Variants in PRKDC observed in about 807,000 individuals in gnomAD.
The protein encoded by PRKDC is DNA-dependent protein kinase catalytic subunit.
Under a neutral mutation model 486.9 loss-of-function variants are expected in PRKDC, and 82 were observed. The observed-to-expected ratio is 0.17, with a 90% CI of 0.14 to 0.20. The LOEUF (loss-of-function observed/expected upper bound fraction) is 0.20, where lower values mean the gene tolerates loss of function less well. Ranked by LOEUF, PRKDC falls within the 10% of genes least tolerant of loss-of-function variation. The pLI is 1.00. For missense variants in PRKDC, 4,504 were observed against 5,038.2 expected (o/e 0.89, Z 3.21); for synonymous variants, 1,895 against 1,837.0 (o/e 1.03, Z -0.81).
chr8:47,881,841 T>C, intron 37 of PRKDC, 71 bp downstream of exon 37: 2 of 1,332,954 alleles, frequency 1.5e-6, no homozygotes, highest in South Asian at 1.8e-5. Flanking sequence ...GCAACCTCCA[T>C]CAAATTTTAA....
intron 83 of PRKDC, 86 bp downstream of exon 83, chr8:47,778,373 T>A: frequency 1.4e-6 from 2 of 1,411,008 alleles, no homozygotes; most frequent in East Asian, 5.0e-5. Context: ...TTGTTTTTCC[T>A]TAAAAACTGT....
Position 47,837,106 on chromosome 8 carries a change from G to A in PRKDC, c.7761+106C>T, listed in dbSNP as rs577308973. On this transcript the variant is annotated intron_variant, in intron 57 of 85. Transcript: ENST00000314191. ...AGCCTTCCCTTTCCTTTTCAGAAAG[G>A]AATGTGTATTCTGAGAAGGCAAAGA... 1.5e-5 allele frequency: 18 copies of A among 1,214,350 alleles called. No individual in the cohort carries two copies. The African/African-American group carries it at 2.6e-4, about 18-fold the overall frequency. The allele number at this position is 1,214,350 out of a possible 1,614,324, so 75.2% of individuals were successfully genotyped here. A position where few individuals can be genotyped will look rare whatever the true frequency, so the allele number is the denominator to read the frequency against.
At chr8:47,957,461 G>C (rs1001403737) in intron 1 of PRKDC, 30 bp from the exon 2 acceptor site, 2 of 1,529,602 alleles carry the variant, frequency 1.3e-6, no homozygotes, top group Non-Finnish European at 1.8e-6. Context: ...AACAAGTTAA[G>C]AGAGTGCCAA....
At chr8:47,884,825 C>T (rs972180580) in intron 36 of PRKDC, among the ~76,000 whole-genome samples, 2 of 152,086 alleles carry the variant, frequency 1.3e-5, no homozygotes, top group African/African-American at 4.8e-5. Flanking sequence ...GTTTAGCAAA[C>T]GAAAGTCAAC....
At position 47,904,903 on chromosome 8, in the gene PRKDC, C is replaced by A; in HGVS notation, c.3008G>T (p.Ser1003Ile). 3 of 1,613,448 alleles carry A rather than the reference C, an allele frequency of 1.9e-6. No homozygotes were observed. The highest frequency in any genetic ancestry group is 2.5e-6 in the Non-Finnish European group (3 of 1,179,472). Reference protein sequence around the residue: ...HWFTNNKKFESQDTVALLEAI... With the variant: ...HWFTNNKKFEIQDTVALLEAI... ...TTCTAGTAAGGCAACAGTATCCTGACTTTCAAATTTCTTGTTGTTAGTGAA... is the reference window on the plus strand; with the variant it reads ...TTCTAGTAAGGCAACAGTATCCTGAATTTCAAATTTCTTGTTGTTAGTGAA... Residue 1003 changes from serine to isoleucine, a missense_variant, in exon 26 of 86, where the codon AGT becomes ATT. Physicochemically the swap from Ser to Ile is moderately radical, Grantham distance 142. Around this residue, in one of 6 missense-constraint regions of PRKDC, gnomAD observed 1,969 missense variants for 2,068.9 expected, o/e 0.95. Transcript: ENST00000314191.
chr8:47,925,847 A>G (rs1467486452), intron 21 of PRKDC, among the ~76,000 whole-genome samples: 1 of 152,252 alleles, frequency 6.6e-6, no homozygotes, highest in East Asian at 1.9e-4. Flanking sequence ...GAATCTAGAT[A>G]GAACACATGG....
At chr8:47,775,694 C>G (rs1219591712) in intron 85 of PRKDC, among the ~76,000 whole-genome samples, 1 of 152,056 alleles carries the variant, frequency 6.6e-6, no homozygotes, top group Admixed American at 6.6e-5. Context: ...CTCTGTGAAG[C>G]ACAAAATTGT....
intron 40 of PRKDC, among the ~76,000 whole-genome samples, chr8:47,876,702 C>A (rs2154501252): frequency 6.6e-6 from 1 of 152,128 alleles, no homozygotes; most frequent in East Asian, 1.9e-4. Context: ...TCCTATCCTT[C>A]CCACTGTATT....
chr8:47,858,357 A>G (rs996069174), intron 48 of PRKDC, among the ~76,000 whole-genome samples, 159 bp downstream of exon 48: 17 of 152,226 alleles, frequency 1.1e-4, no homozygotes, highest in African/African-American at 4.1e-4. Context: ...TTGGGTGGCT[A>G]ATCAGAGAAC....
chr8:47,838,644 C>T (rs1475588119), intron 56 of PRKDC, among the ~76,000 whole-genome samples: 1 of 152,100 alleles, frequency 6.6e-6, no homozygotes, highest in Non-Finnish European at 1.5e-5. Flanking sequence ...AAGTTTACCC[C>T]TCTTCTTATA....
At chr8:47,959,867 C>T in intron 1 of PRKDC, 106 bp downstream of exon 1, 1 of 1,464,392 alleles carries the variant, frequency 6.8e-7, no homozygotes, top group Non-Finnish European at 9.0e-7. Flanking sequence ...AATTGCTGTA[C>T]TTCAAAATAC....
intron 10 of PRKDC, among the ~76,000 whole-genome samples, chr8:47,940,560 G>A (rs1386322829): frequency 6.6e-6 from 1 of 152,154 alleles, no homozygotes; most frequent in Non-Finnish European, 1.5e-5. Flanking sequence ...ATGAAACATT[G>A]TATATACTGT....
chr8:47,827,118 T>TCA (rs61385951), intron 62 of PRKDC, among the ~76,000 whole-genome samples: 11,438 of 128,078 alleles, frequency 0.089, 560 homozygotes, highest in Non-Finnish European at 0.12. Flanking sequence ...AATATGAAGA[T>TCA]CACACACACA....
At chr8:47,826,326 A>G (rs1014978106) in intron 63 of PRKDC, among the ~76,000 whole-genome samples, 3 of 152,236 alleles carry the variant, frequency 2.0e-5, no homozygotes, top group African/African-American at 7.2e-5. Flanking sequence ...TGAAGCAGGA[A>G]ATAACATAAA....
At chr8:47,892,898 T>C (rs1434333832) in intron 31 of PRKDC, among the ~76,000 whole-genome samples, 1 of 152,216 alleles carries the variant, frequency 6.6e-6, no homozygotes, top group East Asian at 1.9e-4. Context: ...ATTTAAAATG[T>C]CAACATTTAC....
At position 47,941,129 on chromosome 8, in the gene PRKDC, C is replaced by CA. The variant is rs758700972; in HGVS notation, c.967-1433dup. Among the ~76,000 whole-genome samples, 375 of 67,170 alleles carry CA rather than the reference C, an allele frequency of 5.6e-3. 1 individual carries two copies. Among genetic ancestry groups the CA allele is most frequent in the Non-Finnish European group, 5.9e-3 (199 of 33,526 alleles). The allele number at this position is 67,170 out of a possible 152,430, so 44.1% of individuals were successfully genotyped here. On this transcript the variant is annotated intron_variant, in intron 10 of 85. Coordinates refer to ENST00000314191, the MANE Select transcript of PRKDC (RefSeq NM_006904.7). ...TGGGTGACAGAGCAAAACTCCATCT[C>CA]AAAAAAAAAAAAAAACCAAAAAAAC...
intron 66 of PRKDC, among the ~76,000 whole-genome samples, chr8:47,820,318 T>C (rs948873663): frequency 6.6e-6 from 1 of 152,130 alleles, no homozygotes. Flanking sequence ...GGAGAATCAC[T>C]TGAACCAGAT....
rs1414844661 is a variant in PRKDC at position 47,846,331 on chromosome 8, G to A, written c.7280+2823C>T. 4.0e-5 allele frequency among the ~76,000 whole-genome samples: 6 copies of A among 150,804 alleles called. No individual in the cohort carries two copies. In the South Asian group the frequency reaches 6.3e-4, roughly 16 times the overall value. On this transcript the variant is annotated intron_variant, in intron 54 of 85. Coordinates refer to ENST00000314191, the MANE Select transcript of PRKDC (RefSeq NM_006904.7). ...CTCAGGAGGCTGAGGCAGGAGAATC[G>A]CTTAAACCTGGGAGGCAGAGGTTGC...
intron 63 of PRKDC, among the ~76,000 whole-genome samples, chr8:47,824,463 C>T (rs376642752): frequency 0.017 from 2,092 of 119,704 alleles, 23 homozygotes; most frequent in Non-Finnish European, 0.028. Flanking sequence ...AGCAAGACTC[C>T]GCCTCAAAAA....
Sources: gnomAD v4.1 joint callset for allele counts (sites outside exome capture counted in the v4.1 genomes callset) on GRCh38, gnomAD v4.1.1 for gene constraint, gnomAD v4.1.1 regional missense constraint, MANE v1.5 for transcripts, NCBI Gene and HGNC (gene_info 2026-07-23, HGNC 2026-07-21) for gene names.